The following DMD variants were observed in gnomAD, a reference collection of about 807,000 sequenced individuals.
DMD encodes the protein mutant dystrophin.
In DMD, 63 loss-of-function variants were observed where a neutral mutation model predicts 330.1. The observed-to-expected ratio is 0.19, with a 90% CI of 0.16 to 0.24. The LOEUF is 0.24. DMD is among the 10% of genes least tolerant of loss of function. The probability of loss-of-function intolerance (pLI) is 1.00; values close to 1 mark genes in which losing one functional copy is unlikely to be tolerated. For missense variants in DMD, 3,344 were observed against 2,684.1 expected (o/e 1.25, Z -5.43); for synonymous variants, 1,223 against 959.8 (o/e 1.27, Z -5.07).
chrX:32,684,349 A>T (rs184486855), intron 9 of DMD, among the ~76,000 whole-genome samples: 33 of 111,714 alleles, frequency 3.0e-4, no homozygotes, highest in African/African-American at 6.8e-4. Context: ...GTATATAACT[A>T]TAGCATGAAT....
intron 9 of DMD, among the ~76,000 whole-genome samples, chrX:32,645,705 A>T (rs2059740013): frequency 8.9e-6 from 1 of 112,208 alleles, no homozygotes; most frequent in Non-Finnish European, 1.9e-5. Flanking sequence ...TTCTAACAGC[A>T]TAATGACTTC....
At position 31,187,717 on chromosome X, in the gene DMD, CAGAG is replaced by C. The variant is rs55674554; in HGVS notation, c.9808-4817_9808-4814del. Among the ~76,000 whole-genome samples the C allele has an allele frequency of 2.1e-3, 140 of 66,573 alleles. 1 individual carries two copies. The highest frequency in any genetic ancestry group is 4.1e-3 in the East Asian group (8 of 1,943). 57.8% of individuals were successfully genotyped at this position (66,573 alleles called of 115,157 possible). ...CAGCTCTGGAATCTTCCCAGATTCTCAGAGAGAGAGAGAGAGAGAGAGAGAGAGA... is the reference window on the plus strand; with the variant it reads ...CAGCTCTGGAATCTTCCCAGATTCTCAGAGAGAGAGAGAGAGAGAGAGAGA... On this transcript the variant is annotated intron_variant, in intron 67 of 78. Coordinates refer to ENST00000357033, the MANE Select transcript of DMD (RefSeq NM_004006.3).
chrX:31,899,779 C>A (rs751822104), intron 47 of DMD, among the ~76,000 whole-genome samples: 1 of 111,060 alleles, frequency 9.0e-6, no homozygotes, highest in South Asian at 3.8e-4. Context: ...AGCTCCATAC[C>A]AGAGAATCTA....
chrX:32,617,361 A>G (rs1245769931), intron 11 of DMD, among the ~76,000 whole-genome samples: 1 of 111,713 alleles, frequency 9.0e-6, no homozygotes, highest in African/African-American at 3.2e-5. Flanking sequence ...TTGTATTAGC[A>G]TAAAAACTGA....
chrX:32,756,454 G>T (rs2071517849), intron 7 of DMD: 1 of 111,728 alleles, frequency 9.0e-6, no homozygotes, highest in Non-Finnish European at 1.9e-5. Flanking sequence ...AAAACCAAAA[G>T]CATTCAGAGA....
chrX:31,512,930 T>G (rs941970032), intron 55 of DMD, among the ~76,000 whole-genome samples: 11 of 108,391 alleles, frequency 1.0e-4, no homozygotes, highest in Admixed American at 3.0e-4. Context: ...TTGGGCAGTA[T>G]GGCCATTTTC....
chrX:32,253,103 T>A (rs2097283516), intron 43 of DMD, among the ~76,000 whole-genome samples: 5 of 105,241 alleles, frequency 4.8e-5, no homozygotes. Context: ...ATGGTGAGAT[T>A]TAAGGATACA....
chrX:32,190,114 G>A (rs913619655), intron 44 of DMD, among the ~76,000 whole-genome samples: 1 of 110,594 alleles, frequency 9.0e-6, no homozygotes, highest in Admixed American at 9.7e-5. Flanking sequence ...AAAGAAGAGA[G>A]TACTATTGGC....
chrX:32,531,106 T>G (rs748506786), intron 17 of DMD, among the ~76,000 whole-genome samples: 1 of 111,597 alleles, frequency 9.0e-6, no homozygotes, highest in Non-Finnish European at 1.9e-5. Context: ...ATGGAAGTTT[T>G]ACTTACACAG....
chrX:31,236,093 A>T (rs2047690271), intron 63 of DMD, among the ~76,000 whole-genome samples: 1 of 112,246 alleles, frequency 8.9e-6, no homozygotes, highest in East Asian at 2.8e-4. Flanking sequence ...AGAGACTCTG[A>T]GGCTGAACGT....
chrX:31,999,537 A>C (rs1178005089), intron 44 of DMD, among the ~76,000 whole-genome samples: 1 of 111,980 alleles, frequency 8.9e-6, no homozygotes, highest in African/African-American at 3.2e-5. Flanking sequence ...TAAATGACTG[A>C]TAATTTCTTA....
At chrX:31,935,480 C>T (rs891578228) in intron 45 of DMD, among the ~76,000 whole-genome samples, 2 of 111,385 alleles carry the variant, frequency 1.8e-5, no homozygotes, top group South Asian at 7.5e-4. Flanking sequence ...AAGAAGAAAA[C>T]GTCTAGTATA....
chrX:32,959,057 A>G (rs948401588), intron 2 of DMD, among the ~76,000 whole-genome samples: 1 of 111,979 alleles, frequency 8.9e-6, no homozygotes, highest in Non-Finnish European at 1.9e-5. Context: ...AAATATGTTC[A>G]TTTTATGAAT....
chrX:32,809,919 C>CAAAAAAAAAAAAAAA (rs55898363), intron 6 of DMD, among the ~76,000 whole-genome samples: 13 of 28,647 alleles, frequency 4.5e-4, no homozygotes, highest in East Asian at 1.6e-3. Flanking sequence ...TTGTTTCTAC[C>CAAAAAAAAAAAAAAA]AAAAAAAAAA....
At chrX:32,265,608 G>A (rs1417279122) in intron 43 of DMD, among the ~76,000 whole-genome samples, 3 of 112,322 alleles carry the variant, frequency 2.7e-5, no homozygotes. Context: ...CAGGAAGGGG[G>A]CTGTACCCTG....
At chrX:31,177,235 C>G (rs1454696760) in intron 71 of DMD, among the ~76,000 whole-genome samples, 1 of 111,314 alleles carries the variant, frequency 9.0e-6, no homozygotes, top group East Asian at 2.8e-4. Context: ...GGTATCTAAG[C>G]TCAGTATTAT....
chrX:31,660,836 A>G (rs758796028), intron 53 of DMD, among the ~76,000 whole-genome samples: 6 of 111,862 alleles, frequency 5.4e-5, no homozygotes, highest in African/African-American at 1.9e-4. Flanking sequence ...GGATGGTTTC[A>G]TGGGTATATG....
rs571574151 is a variant in DMD at position 32,713,097 on chromosome X, G to A, written c.650-13804C>T. On this transcript the variant is annotated intron_variant, in intron 7 of 78. Transcript: ENST00000357033. ...CACCATTAAATTATTTCTCTATCATGTCATACTATGTTAAGTATGTTATAA... is the reference window on the plus strand; with the variant it reads ...CACCATTAAATTATTTCTCTATCATATCATACTATGTTAAGTATGTTATAA... Among the ~76,000 whole-genome samples the A allele has an allele frequency of 1.3e-4, 14 of 111,703 alleles. No individual in the cohort carries two copies. In the South Asian group the frequency reaches 4.8e-3, roughly 39 times the overall value.
At chrX:33,205,055 G>C (rs867151086) in intron 1 of DMD, among the ~76,000 whole-genome samples, 1 of 111,993 alleles carries the variant, frequency 8.9e-6, no homozygotes, top group Non-Finnish European at 1.9e-5. Context: ...GCCCTTCAGC[G>C]TCTACTAAAT....
Sources: gnomAD v4.1 joint callset for allele counts (sites outside exome capture counted in the v4.1 genomes callset) on GRCh38, gnomAD v4.1.1 for gene constraint, MANE v1.5 for transcripts, NCBI Gene and HGNC (gene_info 2026-07-23, HGNC 2026-07-21) for gene names.